The following ABCA2 variants were observed in gnomAD, a reference collection of about 807,000 sequenced individuals.
The protein encoded by ABCA2 is ATP-binding cassette sub-family A member 2.
Under a neutral mutation model 262.8 loss-of-function variants are expected in ABCA2, and 84 were observed. That is an observed-to-expected ratio of 0.32 (90% confidence interval 0.27 to 0.38). ABCA2 has a LOEUF of 0.38. Ranked by LOEUF, ABCA2 falls within the 10% of genes least tolerant of loss-of-function variation. ABCA2 has a pLI of 1.00. For synonymous variants in ABCA2, 1,696 were observed against 1,502.9 expected (o/e 1.13, Z -2.97); for missense variants, 2,662 against 3,405.9 (o/e 0.78, Z 5.44).
chr9:137,011,855 C>A lies in ABCA2; in HGVS notation c.5524G>T (p.Val1842Leu). 1 of 1,593,628 alleles carries A rather than the reference C, an allele frequency of 6.3e-7. No homozygotes were observed. Among genetic ancestry groups the A allele is most frequent in the Non-Finnish European group, 8.5e-7 (1 of 1,171,190 alleles). The change falls in exon 35 of 49, where the codon GTG (valine) becomes TTG (leucine). Residue 1842 changes from valine (V) to leucine (L), a missense_variant. Around this residue, in one of 12 missense-constraint regions of ABCA2, gnomAD observed 602 missense variants for 897.4 expected, o/e 0.67. Transcript: ENST00000341511. The surrounding 1 kb of genome is among the most constrained non-coding windows in gnomAD (Gnocchi z 8.8). ...CACGCCGGGCGCACCATGTCCCACA[C>A]GTAGTTCGCCAGCCAGTAGATGATG... is the stretch of plus-strand genomic sequence containing the variant. ...NPIIYWLANY[V>L]WDMLNYLVPA... is the part of the protein sequence containing the mutation.
upstream of ABCA2, chr9:137,028,764 G>T (rs750575159): frequency 1.6e-6 from 2 of 1,286,660 alleles, no homozygotes; most frequent in South Asian, 1.3e-5. The surrounding 1 kb of genome is among the most constrained non-coding windows in gnomAD (Gnocchi z 6.9). Context: ...GCGATTCCGA[G>T]CAGCCAGCGG....
chr9:137,007,977 G>T lies in ABCA2; in HGVS notation c.7276-13C>A. ...AGGACAGCTGGGCCTGTGCACAGGG[G>T]AGGTCAGGCTTATGGGGCATCCTGT... On this transcript the variant is annotated splice_polypyrimidine_tract_variant and intron_variant, in intron 48 of 48. Transcript: ENST00000341511. The T allele has an allele frequency of 6.2e-7, 1 of 1,603,060 alleles. No individual in the cohort carries two copies. The highest frequency in any genetic ancestry group is 8.5e-7 in the Non-Finnish European group (1 of 1,179,170).
intron 45 of ABCA2, 94 bp downstream of exon 45, chr9:137,009,267 CCACAGCCCT>C: frequency 4.6e-6 from 5 of 1,098,196 alleles, no homozygotes; most frequent in Non-Finnish European, 6.3e-6. Flanking sequence ...CCCCCTGGCC[CCACAGCCCT>C]CACAGCCCTG....
chr9:137,015,935 GCCCC>G, intron 22 of ABCA2, 23 bp downstream of exon 22: 3 of 1,405,382 alleles, frequency 2.1e-6, no homozygotes, highest in South Asian at 1.5e-5. Flanking sequence ...CCGCCCACCT[GCCCC>G]GCCCCCCGCC....
At chr9:137,012,446 G>A (rs375728283) in intron 32 of ABCA2, 39 bp downstream of exon 32, 20 of 1,608,708 alleles carry the variant, frequency 1.2e-5, no homozygotes, top group Admixed American at 8.3e-5. Flanking sequence ...CTCGGGCGGC[G>A]CTACACACAG....
rs1451021622 is a variant in ABCA2, at chr9:137,009,034, T to G, written c.6847A>C (p.Ile2283Leu). The G allele has an allele frequency of 6.2e-7, 1 of 1,608,058 alleles. No homozygotes were observed. The highest frequency in any genetic ancestry group is 8.5e-7 in the Non-Finnish European group (1 of 1,179,760). The change falls in exon 46 of 49, where the codon ATC becomes CTC. Residue 2283 changes from isoleucine (I) to leucine (L), a missense_variant. Transcript: ENST00000341511. ...TGGCTGCTCTTGGTCCGCACCGTGA[T>G]CATGTAGCCATCTCCAAACCTGGTG... ...LKNRFGDGYM[I>L]TVRTKSSQSV...
At chr9:137,027,362 G>A (rs34496415) in intron 1 of ABCA2, 8,764 of 152,610 alleles carry the variant, frequency 0.057, 304 homozygotes, top group Middle Eastern at 0.084. Flanking sequence ...TGGGAAAGCC[G>A]GGGTTCACAG....
At chr9:137,010,833 G>A in intron 39 of ABCA2, 96 bp from the exon 40 acceptor site, 1 of 1,453,360 alleles carries the variant, frequency 6.9e-7, no homozygotes, top group South Asian at 1.2e-5. Context: ...CATGTAAGAA[G>A]GGTGGGCAGG....
rs757205264 is a variant in ABCA2, at chr9:137,013,026, A to G, written c.4843T>C (p.Ser1615Pro). 4 of 1,514,750 alleles carry G rather than the reference A, an allele frequency of 2.6e-6. No individual in the cohort carries two copies. Among genetic ancestry groups the G allele is most frequent in the Non-Finnish European group, 1.8e-6 (2 of 1,130,852 alleles). The allele number at this position is 1,514,750 out of a possible 1,614,324, so 93.8% of individuals were successfully genotyped here. The change falls in exon 30 of 49, where the codon TCC becomes CCC. Residue 1615 changes from serine to proline, a missense_variant. Coordinates refer to ENST00000341511, the MANE Select transcript of ABCA2 (RefSeq NM_001606.5). Reference protein sequence around the residue: ...PDEDLQAWNVSLPPTAGPEMW... With the variant: ...PDEDLQAWNVPLPPTAGPEMW... The stretch of plus-strand genomic sequence containing the variant: ...CCTGGCCCAGCGGTGGGCGGCAGGG[A>G]GACGTTCCAGGCCTGCAGGTCCTCA...
chr9:137,024,403 G>A (rs1387317290), intron 1 of ABCA2, among the ~76,000 whole-genome samples, 167 bp from the exon 2 acceptor site: 1 of 150,830 alleles, frequency 6.6e-6, no homozygotes, highest in East Asian at 1.9e-4. Context: ...CCCCTTCCAG[G>A]GCACTGAGGG....
rs987993566 is a variant in ABCA2, at chr9:137,007,537, C to T, written c.*392G>A. The T allele has an allele frequency of 1.4e-4, 41 of 285,724 alleles. No homozygotes were observed. Among genetic ancestry groups the T allele is most frequent in the African/African-American group, 7.9e-4 (35 of 44,324 alleles). The allele number at this position is 285,724 out of a possible 1,614,324, so 17.7% of individuals were successfully genotyped here. On this transcript the variant is annotated 3_prime_UTR_variant, in exon 49 of 49. Coordinates refer to ENST00000341511, the MANE Select transcript of ABCA2 (RefSeq NM_001606.5). ...CCCAGCTCCGCCCACAGCCCGCTCT[C>T]GGCATCAGCCTTCATCGTAAGAGAG...
chr9:137,022,099 TG>T, intron 6 of ABCA2, 98 bp from the exon 7 acceptor site: 1 of 199,738 alleles, frequency 5.0e-6, no homozygotes, highest in Non-Finnish European at 8.0e-6. Context: ...GTGGCTTAGA[TG>T]GTGGGGGCGT....
At position 137,023,044 on chromosome 9, in the gene ABCA2, T is replaced by C. The variant is rs773010162; in HGVS notation, c.172A>G (p.Thr58Ala). 5.9e-5 allele frequency: 93 copies of C among 1,581,830 alleles called. No homozygotes were observed. The highest frequency in any genetic ancestry group is 7.9e-5 in the Non-Finnish European group (92 of 1,165,460). Reference protein sequence around the residue: ...TISVKEVSFYTAAPLTSAGIL... With the variant: ...TISVKEVSFYAAAPLTSAGIL... ...CCGGCAGACGTCAGGGGCGCCGCTGTGTAGAAGGCTGGCAGACCCACGGGA... is the reference window on the plus strand; with the variant it reads ...CCGGCAGACGTCAGGGGCGCCGCTGCGTAGAAGGCTGGCAGACCCACGGGA... The change falls in exon 4 of 49, where the codon ACA becomes GCA. Residue 58 changes from threonine to alanine, a missense_variant. Around this residue, in one of 12 missense-constraint regions of ABCA2, gnomAD observed 101 missense variants for 152.3 expected, o/e 0.66. Coordinates refer to ENST00000341511, the MANE Select transcript of ABCA2 (RefSeq NM_001606.5).
Position 137,021,172 on chromosome 9 carries a change from T to C in ABCA2, c.898-111A>G. On this transcript the variant is annotated intron_variant, in intron 8 of 48. Coordinates refer to ENST00000341511, the MANE Select transcript of ABCA2 (RefSeq NM_001606.5). The surrounding 1 kb of genome is among the most constrained non-coding windows in gnomAD (Gnocchi z 6.0). ...GCAGGGAGACACAAGCTAGGGGTGC[T>C]GGGAGGGAGTCTGCAGCCTGGGTAA... is the stretch of plus-strand genomic sequence containing the variant. The C allele has an allele frequency of 7.1e-7, 1 of 1,407,802 alleles. No individual in the cohort carries two copies. Among genetic ancestry groups the C allele is most frequent in the South Asian group, 1.5e-5 (1 of 67,328 alleles). The allele number at this position is 1,407,802 out of a possible 1,614,324, so 87.2% of individuals were successfully genotyped here. A position where few individuals can be genotyped will look rare whatever the true frequency, so the allele number is the denominator to read the frequency against.
chr9:137,008,077 G>A (rs1830896678), intron 48 of ABCA2, 113 bp from the exon 49 acceptor site: 3 of 1,348,578 alleles, frequency 2.2e-6, no homozygotes, highest in Non-Finnish European at 3.0e-6. Context: ...CTGGACGCAG[G>A]GTCTCCCCAC....
Position 137,015,721 on chromosome 9 carries a change from G to A in ABCA2, c.3468C>T (p.Pro1156=), listed in dbSNP as rs373345989. 1.1e-5 allele frequency: 17 copies of A among 1,611,590 alleles called. 1 individual carries two copies. The Admixed American group carries it at 1.5e-4, about 14-fold the overall frequency. Residue 1156 remains proline, a synonymous_variant, in exon 23 of 49, where the codon CCC becomes CCT. Transcript: ENST00000341511. Reference sequence around the variant, plus strand: ...GGTCCCAGATGGCGCGGCGCGCGTAGGGGTCCACGCCCGCCGTGGGCTCGT... The same window carrying A: ...GGTCCCAGATGGCGCGGCGCGCGTAAGGGTCCACGCCCGCCGTGGGCTCGT... ...ILDEPTAGVD[P]YARRAIWDLI... is the part of the protein sequence containing the mutation.
chr9:137,027,975 C>A (rs1339044912), intron 1 of ABCA2, 100 bp downstream of exon 1: 9 of 619,528 alleles, frequency 1.5e-5, no homozygotes, highest in Non-Finnish European at 1.6e-5. Context: ...CCGCCGGGGT[C>A]TGCGCGCGCC....
Position 137,014,681 on chromosome 9 carries a change from G to A in ABCA2, c.4003+9C>T. On this transcript the variant is annotated intron_variant, in intron 26 of 48. Transcript: ENST00000341511. ...GGGGTGGGCTGAGCAAGTGGTCCAG[G>A]CCCCTCACCGGCCTCACTGTTCTCC... The A allele has an allele frequency of 2.5e-6, 4 of 1,604,472 alleles. No homozygotes were observed. Among genetic ancestry groups the A allele is most frequent in the Non-Finnish European group, 2.5e-6 (3 of 1,176,938 alleles).
rs755064498 is a variant in ABCA2 at position 137,019,717 on chromosome 9, G to C, written c.1426-411C>G. 1 of 207,844 alleles carries C rather than the reference G, an allele frequency of 4.8e-6. No homozygotes were observed. The highest frequency in any genetic ancestry group is 2.4e-5 in the African/African-American group (1 of 42,108). 12.9% of individuals were successfully genotyped at this position (207,844 alleles called of 1,614,324 possible). The stretch of plus-strand genomic sequence containing the variant: ...GATTTCAAGCGTGAGTCCCACGCCC[G>C]GGCTCTCCACTCCTTTCTGCGGCGC... On this transcript the variant is annotated intron_variant, in intron 10 of 48. Transcript: ENST00000341511. This position sits in a 1 kb window ranked among gnomAD's most constrained non-coding sequence, Gnocchi z 4.4.
Sources: gnomAD v4.1 joint callset for allele counts (sites outside exome capture counted in the v4.1 genomes callset) on GRCh38, gnomAD v4.1.1 for gene constraint, gnomAD v4.1.1 regional missense constraint, Gnocchi (gnomAD v3.1) non-coding constraint, MANE v1.5 for transcripts, NCBI Gene and HGNC (gene_info 2026-07-23, HGNC 2026-07-21) for gene names.